Variants in SCAPER observed in about 807,000 individuals in gnomAD.
SCAPER encodes S phase cyclin A-associated protein in the endoplasmic reticulum.
A neutral mutation model predicts 182.2 loss-of-function variants in SCAPER; 98 were observed. That is an observed-to-expected ratio of 0.54 (90% CI 0.46 to 0.64). SCAPER has a LOEUF of 0.64. SCAPER is among the 30% of genes least tolerant of loss of function. SCAPER has a pLI of 0.00. For missense variants in SCAPER, 1,432 were observed against 1,690.0 expected (o/e 0.85, Z 2.68); for synonymous variants, 605 against 564.6 (o/e 1.07, Z -1.01).
chr15:76,816,985 G>C (rs1039357778), intron 5 of SCAPER, among the ~76,000 whole-genome samples: 2 of 152,158 alleles, frequency 1.3e-5, no homozygotes, highest in Non-Finnish European at 2.9e-5. Context: ...TCATCATCAA[G>C]TACTGTGTAC....
intron 8 of SCAPER, among the ~76,000 whole-genome samples, chr15:76,794,471 T>C (rs921235298): frequency 6.6e-6 from 1 of 151,478 alleles, no homozygotes; most frequent in Non-Finnish European, 1.5e-5. Flanking sequence ...GGGCAATATA[T>C]TGAAGTAAGC....
chr15:76,773,276 G>T (rs1315392090), intron 9 of SCAPER, among the ~76,000 whole-genome samples: 1 of 151,762 alleles, frequency 6.6e-6, no homozygotes, highest in African/African-American at 2.4e-5. Context: ...CATTAACTTG[G>T]CTGCCATCAG....
At chr15:76,518,090 C>A (rs1052974278) in intron 23 of SCAPER, among the ~76,000 whole-genome samples, 7 of 152,132 alleles carry the variant, frequency 4.6e-5, no homozygotes, top group African/African-American at 1.7e-4. Context: ...AATGTGCACA[C>A]AGCAGGAGGG....
Position 76,883,814 on chromosome 15 carries a change from T to A in SCAPER, c.4A>T (p.Met2Leu). ...CTAGTCTTTAAGATATCACTTACCA[T>A]CATTCTTTAAATTCTCTTCTATGCC... The part of the protein sequence containing the change: M[M>L]ASFQRSNSHD... The change falls in exon 2 of 32, where the codon ATG becomes TTG. Residue 2 changes from methionine (M) to leucine (L), a missense_variant and splice_region_variant. Transcript: ENST00000563290. The A allele has an allele frequency of 6.5e-7, 1 of 1,538,530 alleles. No homozygotes were observed. The highest frequency in any genetic ancestry group is 8.8e-7 in the Non-Finnish European group (1 of 1,137,888).
intron 21 of SCAPER, among the ~76,000 whole-genome samples, chr15:76,627,227 T>C (rs2052664222): frequency 1.1e-5 from 1 of 88,100 alleles, no homozygotes; most frequent in South Asian, 6.8e-4. Flanking sequence ...TCTTGTTTTA[T>C]TAAAAAAAGA....
chr15:76,850,081 T>C (rs1191047259), intron 4 of SCAPER, among the ~76,000 whole-genome samples: 1 of 152,150 alleles, frequency 6.6e-6, no homozygotes, highest in African/African-American at 2.4e-5. Context: ...GGATTACAAT[T>C]CAAGGTGAGA....
At chr15:76,653,503 T>C (rs931985923) in intron 21 of SCAPER, among the ~76,000 whole-genome samples, 12 of 152,086 alleles carry the variant, frequency 7.9e-5, no homozygotes, top group Admixed American at 2.0e-4. Flanking sequence ...TTGGTATTGG[T>C]ACAAAAACTG....
intron 24 of SCAPER, among the ~76,000 whole-genome samples, chr15:76,472,616 T>C (rs1269263410): frequency 6.6e-6 from 1 of 152,202 alleles, no homozygotes; most frequent in Non-Finnish European, 1.5e-5. Context: ...TCCACCCGCC[T>C]TGGCCTCTCA....
At chr15:76,717,602 TAAC>T (rs994092755) in intron 17 of SCAPER, among the ~76,000 whole-genome samples, 5 of 152,262 alleles carry the variant, frequency 3.3e-5, no homozygotes, top group Admixed American at 6.5e-5. Context: ...AAACAGCTGA[TAAC>T]AACTTAACAG....
chr15:76,643,730 T>C (rs1294257812), intron 21 of SCAPER, among the ~76,000 whole-genome samples: 1 of 152,112 alleles, frequency 6.6e-6, no homozygotes, highest in Non-Finnish European at 1.5e-5. Context: ...TAAGCTATCC[T>C]CATTTGTAAC....
At chr15:76,769,169 C>T (rs1401784855) in intron 10 of SCAPER, among the ~76,000 whole-genome samples, 1 of 151,990 alleles carries the variant, frequency 6.6e-6, no homozygotes, top group South Asian at 2.1e-4. Context: ...CCTGGCCAGG[C>T]GTGGTGGCTC....
chr15:76,637,704 T>C (rs1045261646), intron 21 of SCAPER, among the ~76,000 whole-genome samples: 1 of 148,486 alleles, frequency 6.7e-6, no homozygotes, highest in Non-Finnish European at 1.5e-5. Flanking sequence ...AAACCCTATC[T>C]CTACAATATA....
chr15:76,376,435 G>T, intron 28 of SCAPER, 124 bp from the exon 29 acceptor site: 2 of 1,032,168 alleles, frequency 1.9e-6, no homozygotes, highest in Non-Finnish European at 2.8e-6. Context: ...CATTTCTACA[G>T]TACTATGCTT....
intron 22 of SCAPER, among the ~76,000 whole-genome samples, chr15:76,608,717 G>A (rs867643985): frequency 1.6e-4 from 24 of 152,186 alleles, no homozygotes; most frequent in African/African-American, 4.8e-4. Flanking sequence ...AACTAATTCG[G>A]CAATGGCGGG....
intron 21 of SCAPER, among the ~76,000 whole-genome samples, chr15:76,633,689 A>C (rs1414139326): frequency 6.6e-6 from 1 of 152,128 alleles, no homozygotes; most frequent in East Asian, 1.9e-4. Flanking sequence ...CTGCTTAAAG[A>C]AGCAGTCTGG....
chr15:76,701,192 T>C (rs1221110317), intron 20 of SCAPER, among the ~76,000 whole-genome samples: 2 of 152,132 alleles, frequency 1.3e-5, no homozygotes, highest in Non-Finnish European at 2.9e-5. Flanking sequence ...TTGAGTTGCT[T>C]AACAAATATG....
intron 25 of SCAPER, among the ~76,000 whole-genome samples, chr15:76,442,317 C>T (rs1596643130): frequency 6.6e-6 from 1 of 152,300 alleles, no homozygotes; most frequent in East Asian, 1.9e-4. Context: ...ACTCATTATA[C>T]TACATTTTAA....
chr15:76,841,277 A>G (rs2069451100), intron 5 of SCAPER, among the ~76,000 whole-genome samples: 1 of 152,194 alleles, frequency 6.6e-6, no homozygotes, highest in Non-Finnish European at 1.5e-5. Flanking sequence ...GTATGGATCA[A>G]AAGAACAATT....
At chr15:76,815,605 C>A (rs909214268) in intron 5 of SCAPER, among the ~76,000 whole-genome samples, 6 of 152,184 alleles carry the variant, frequency 3.9e-5, no homozygotes, top group Admixed American at 3.9e-4. Flanking sequence ...GAACCTGACC[C>A]GCACAACAGG....
Sources: gnomAD v4.1 joint callset for allele counts (sites outside exome capture counted in the v4.1 genomes callset) on GRCh38, gnomAD v4.1.1 for gene constraint, MANE v1.5 for transcripts, NCBI Gene and HGNC (gene_info 2026-07-23, HGNC 2026-07-21) for gene names.